Variants in EPHA6 observed in about 807,000 individuals in gnomAD.
EPHA6 encodes EPH receptor A6.
Under a neutral mutation model 112.0 loss-of-function variants are expected in EPHA6, and 50 were observed. That is an observed-to-expected ratio of 0.45 (90% CI 0.36 to 0.56). EPHA6 has a LOEUF of 0.56. EPHA6 is among the 20% of genes least tolerant of loss of function. The pLI, the probability that EPHA6 is intolerant of heterozygous loss-of-function variation, is 0.00. For missense variants in EPHA6, 1,280 were observed against 1,417.4 expected (o/e 0.90, Z 1.56); for synonymous variants, 529 against 490.7 (o/e 1.08, Z -1.03).
chr3:97,495,441 T>C (rs1404886434), intron 10 of EPHA6, among the ~76,000 whole-genome samples: 1 of 151,830 alleles, frequency 6.6e-6, no homozygotes, highest in Non-Finnish European at 1.5e-5. Context: ...TACATGTCTA[T>C]ACAAATTCTA....
chr3:96,925,705 A>G (rs1248855832), intron 2 of EPHA6, among the ~76,000 whole-genome samples: 11 of 150,770 alleles, frequency 7.3e-5, no homozygotes, highest in Non-Finnish European at 2.9e-5. Flanking sequence ...TCCTGAGTTC[A>G]AGTGATTCTC....
At chr3:97,443,647 A>G (rs796092460) in intron 6 of EPHA6, among the ~76,000 whole-genome samples, 2 of 152,278 alleles carry the variant, frequency 1.3e-5, no homozygotes, top group African/African-American at 4.8e-5. Flanking sequence ...GAAAATAAAA[A>G]TAAAGGCAGC....
At chr3:97,150,596 G>A (rs1436694448) in intron 3 of EPHA6, among the ~76,000 whole-genome samples, 1 of 152,028 alleles carries the variant, frequency 6.6e-6, no homozygotes, top group Non-Finnish European at 1.5e-5. Flanking sequence ...CGTGGGTGCT[G>A]ATACTCTGGT....
intron 6 of EPHA6, among the ~76,000 whole-genome samples, chr3:97,446,568 G>A (rs1458304): frequency 6.6e-6 from 1 of 152,022 alleles, no homozygotes; most frequent in African/African-American, 2.4e-5. Context: ...GAGACTAAAT[G>A]CTTTTTTTCA....
chr3:97,498,505 G>T (rs972969405), intron 10 of EPHA6, among the ~76,000 whole-genome samples: 1 of 152,094 alleles, frequency 6.6e-6, no homozygotes, highest in African/African-American at 2.4e-5. Context: ...GTAGGGAAGA[G>T]AGTTAAATTT....
chr3:97,151,079 T>G (rs2076161068), intron 3 of EPHA6, among the ~76,000 whole-genome samples: 1 of 152,144 alleles, frequency 6.6e-6, no homozygotes, highest in Admixed American at 6.6e-5. Flanking sequence ...CATCTTATAC[T>G]ATTGTCTTCA....
chr3:97,262,506 T>C (rs879520937), intron 5 of EPHA6, among the ~76,000 whole-genome samples: 55 of 152,174 alleles, frequency 3.6e-4, no homozygotes, highest in Non-Finnish European at 7.4e-5. Flanking sequence ...TACACATGCA[T>C]GTATTTTGTC....
At chr3:97,061,145 C>T (rs911791520) in intron 3 of EPHA6, among the ~76,000 whole-genome samples, 1 of 151,934 alleles carries the variant, frequency 6.6e-6, no homozygotes, top group African/African-American at 2.4e-5. Context: ...ACCCAAACAC[C>T]AAGAAATGAG....
intron 11 of EPHA6, among the ~76,000 whole-genome samples, chr3:97,560,921 G>T (rs556015926): frequency 6.6e-6 from 1 of 151,804 alleles, no homozygotes; most frequent in Non-Finnish European, 1.5e-5. Context: ...GGTAATTCTG[G>T]CAATATTTAA....
At chr3:97,743,175 C>G (rs760203805) in intron 16 of EPHA6, among the ~76,000 whole-genome samples, 3 of 152,112 alleles carry the variant, frequency 2.0e-5, no homozygotes, top group Non-Finnish European at 4.4e-5. Context: ...CAGGTACTTA[C>G]TCTTCTAGGT....
At chr3:96,948,998 A>C (rs1216384313) in intron 2 of EPHA6, among the ~76,000 whole-genome samples, 1 of 152,200 alleles carries the variant, frequency 6.6e-6, no homozygotes, top group East Asian at 1.9e-4. Flanking sequence ...GACCATCACC[A>C]TGTATGGTGT....
chr3:97,427,737 TA>T (rs916485172), intron 6 of EPHA6, among the ~76,000 whole-genome samples: 3 of 151,260 alleles, frequency 2.0e-5, no homozygotes, highest in Admixed American at 1.3e-4. Flanking sequence ...ATGCAGCCAT[TA>T]AAAAAAACAA....
At chr3:97,220,151 G>A (rs749261791) in intron 3 of EPHA6, among the ~76,000 whole-genome samples, 6 of 152,138 alleles carry the variant, frequency 3.9e-5, no homozygotes, top group South Asian at 2.1e-4. Flanking sequence ...TTAATTGTCC[G>A]TATCACTATC....
At chr3:97,597,991 C>G (rs1185915583) in intron 12 of EPHA6, among the ~76,000 whole-genome samples, 1 of 152,050 alleles carries the variant, frequency 6.6e-6, no homozygotes, top group African/African-American at 2.4e-5. Flanking sequence ...TTGGCATAAA[C>G]TCAATATGCC....
At chr3:97,192,322 G>A (rs768384935) in intron 3 of EPHA6, among the ~76,000 whole-genome samples, 12 of 151,948 alleles carry the variant, frequency 7.9e-5, no homozygotes, top group Non-Finnish European at 1.6e-4. Context: ...TAGTAGAGAT[G>A]GGGTTTTGCC....
intron 2 of EPHA6, among the ~76,000 whole-genome samples, chr3:96,917,995 A>G (rs1190002807): frequency 1.3e-5 from 2 of 152,214 alleles, no homozygotes; most frequent in Non-Finnish European, 2.9e-5. Context: ...GTTGAAAACC[A>G]GCAACAAAAC....
intron 5 of EPHA6, among the ~76,000 whole-genome samples, chr3:97,375,273 T>C (rs1035558696): frequency 3.3e-5 from 5 of 152,112 alleles, no homozygotes; most frequent in African/African-American, 1.2e-4. Flanking sequence ...TGAAAAACAC[T>C]CCCTCCTACT....
chr3:97,425,261 T>G (rs994944589), intron 6 of EPHA6, among the ~76,000 whole-genome samples: 1 of 152,214 alleles, frequency 6.6e-6, no homozygotes, highest in African/African-American at 2.4e-5. Context: ...ACATTTTGCT[T>G]CCACATTGCC....
In EPHA6 at chr3:97,279,060, C is replaced by G. The variant is rs533452717; in HGVS notation, c.1606+34773C>G. Among the ~76,000 whole-genome samples, 3 of 152,320 alleles carry G rather than the reference C, an allele frequency of 2.0e-5. No individual in the cohort carries two copies. In the South Asian group the frequency reaches 6.2e-4, roughly 32 times the overall value. ...TTCACAACAATTATAATCTATTACA[C>G]TCACATAATTTACTAGTGGATTCTT... is the stretch of plus-strand genomic sequence containing the variant. On this transcript the variant is annotated intron_variant, in intron 5 of 17. Coordinates refer to ENST00000389672, the MANE Select transcript of EPHA6 (RefSeq NM_001080448.3).
Sources: allele counts gnomAD v4.1 joint callset (sites outside exome capture counted in the v4.1 genomes callset), GRCh38; gene constraint gnomAD v4.1.1; transcripts MANE v1.5; gene names NCBI Gene and HGNC (gene_info 2026-07-23, HGNC 2026-07-21).